Variants in SLC5A3 observed in about 807,000 individuals in gnomAD.
The protein encoded by SLC5A3 is solute carrier family 5 member 3.
A neutral mutation model predicts 43.2 loss-of-function variants in SLC5A3; 10 were observed. The observed-to-expected ratio is 0.23, with a 90% CI of 0.14 to 0.39. The LOEUF is 0.39. Among genes scored for constraint, SLC5A3 ranks in the 10% least tolerant of loss-of-function variants. The pLI is 1.00. For missense variants in SLC5A3, 608 were observed against 893.4 expected, an observed-to-expected ratio of 0.68 and a Z score of 4.07; for synonymous variants, 349 against 322.0, an observed-to-expected ratio of 1.08 and a Z score of -0.90.
At position 34,095,790 on chromosome 21, in the gene SLC5A3, A is replaced by G; in HGVS notation, c.592A>G (p.Thr198Ala). 1 of 1,614,036 alleles carries G rather than the reference A, an allele frequency of 6.2e-7. No homozygotes were observed. The highest frequency in any genetic ancestry group is 1.6e-4 in the Middle Eastern group (1 of 6,062). The change falls in exon 2 of 2, where the codon ACA becomes GCA. Residue 198 changes from threonine (T) to alanine (A), a missense_variant. Coordinates refer to ENST00000381151, the MANE Select transcript of SLC5A3 (RefSeq NM_006933.7). ...QALLMIIGAL[T>A]LMIISIMEIG... is the part of the protein sequence containing the mutation. The stretch of plus-strand genomic sequence containing the variant: ...TCTGCTCATGATCATTGGGGCACTT[A>G]CACTTATGATTATTAGCATAATGGA...
In SLC5A3 at chr21:34,096,939, A is replaced by AC; in HGVS notation, c.1743dup (p.Ile582HisfsTer11). 6.2e-7 allele frequency: 1 copy of AC among 1,614,106 alleles called. No homozygotes were observed. Among genetic ancestry groups the AC allele is most frequent in the Non-Finnish European group, 8.5e-7 (1 of 1,179,976 alleles). On this transcript the variant is annotated frameshift_variant, in exon 2 of 2. Transcript: ENST00000381151. LOFTEE classifies it high-confidence loss of function. This position sits in a 1 kb window ranked among gnomAD's most constrained non-coding sequence, Gnocchi z 5.9. ...TCTGAGATGCAGTGAGAATAATGAGACCATCAACCACATCATTCCCAACGG... is the reference window on the plus strand; with the variant it reads ...TCTGAGATGCAGTGAGAATAATGAGACCCATCAACCACATCATTCCCAACGG...
chr21:34,100,647 T>G lies in SLC5A3; in HGVS notation c.*3292T>G. On this transcript the variant is annotated 3_prime_UTR_variant, in exon 2 of 2. Transcript: ENST00000381151. ...GCTGGGACCCATCACTCTGTGAAAC[T>G]TCACATTTTAAGAACTGAGTTGAGG... 1 of 1,000,216 alleles carries G rather than the reference T, an allele frequency of 1.0e-6. No individual in the cohort carries two copies. 62.0% of individuals were successfully genotyped at this position (1,000,216 alleles called of 1,614,324 possible).
At chr21:34,079,337 CT>C (rs1422774445) in intron 1 of SLC5A3, among the ~76,000 whole-genome samples, 2 of 152,150 alleles carry the variant, frequency 1.3e-5, no homozygotes, top group Admixed American at 1.3e-4. Context: ...GTGCCAGCCC[CT>C]GATTTAGAGT....
intron 1 of SLC5A3, among the ~76,000 whole-genome samples, chr21:34,075,567 G>C (rs1341453873): frequency 6.6e-6 from 1 of 152,166 alleles, no homozygotes; most frequent in Non-Finnish European, 1.5e-5. Flanking sequence ...AAAAGCCCTA[G>C]AAAGTAGATA....
intron 1 of SLC5A3, among the ~76,000 whole-genome samples, chr21:34,083,736 G>A (rs1219901227): frequency 6.6e-6 from 1 of 152,182 alleles, no homozygotes; most frequent in Non-Finnish European, 1.5e-5. Flanking sequence ...AGCACTGTTG[G>A]TCTCATGGGA....
intron 1 of SLC5A3, among the ~76,000 whole-genome samples, chr21:34,081,010 T>C (rs1157114980): frequency 1.3e-5 from 2 of 152,130 alleles, no homozygotes; most frequent in Non-Finnish European, 2.9e-5. Flanking sequence ...ATGAAATGAG[T>C]GCAAACCTTT....
intron 1 of SLC5A3, among the ~76,000 whole-genome samples, chr21:34,074,673 GT>G (rs201796395): frequency 4.0e-5 from 6 of 151,712 alleles, no homozygotes; most frequent in Admixed American, 6.6e-5. Flanking sequence ...TTGGTGTTAT[GT>G]TTTTTTTTCT....
At chr21:34,080,279 T>G (rs1989429537) in intron 1 of SLC5A3, among the ~76,000 whole-genome samples, 1 of 152,228 alleles carries the variant, frequency 6.6e-6, no homozygotes, top group African/African-American at 2.4e-5. Context: ...TACTGCATAC[T>G]TCTCATTTTC....
Position 34,103,749 on chromosome 21 carries a change from GT to G in SLC5A3, c.*6395del, listed in dbSNP as rs1979353649. 1.3e-5 allele frequency: 13 copies of G among 999,692 alleles called. No homozygotes were observed. The highest frequency in any genetic ancestry group is 1.6e-5 in the Non-Finnish European group (13 of 829,568). The allele number at this position is 999,692 out of a possible 1,614,324, so 61.9% of individuals were successfully genotyped here. ...TGCGGTATCTAAACTGGTCCTAATG[GT>G]AAGGGACCCAAAGGAATAATCTCAA... On this transcript the variant is annotated 3_prime_UTR_variant, in exon 2 of 2. Transcript: ENST00000381151.
At chr21:34,093,812 T>A (rs1358876794) in intron 1 of SLC5A3, among the ~76,000 whole-genome samples, 1 of 152,204 alleles carries the variant, frequency 6.6e-6, no homozygotes, top group Non-Finnish European at 1.5e-5. Context: ...AAATGTCTGT[T>A]TTGCAGAGTG....
At chr21:34,081,961 A>G (rs566360756) in intron 1 of SLC5A3, among the ~76,000 whole-genome samples, 1 of 151,726 alleles carries the variant, frequency 6.6e-6, no homozygotes, top group East Asian at 1.9e-4. Flanking sequence ...GCTCCCATCT[A>G]TTATTGCCAT....
At position 34,100,358 on chromosome 21, in the gene SLC5A3, G is replaced by C; in HGVS notation, c.*3003G>C. 1 of 1,000,176 alleles carries C rather than the reference G, an allele frequency of 1.0e-6. No individual in the cohort carries two copies. The highest frequency in any genetic ancestry group is 1.2e-6 in the Non-Finnish European group (1 of 829,962). 62.0% of individuals were successfully genotyped at this position (1,000,176 alleles called of 1,614,324 possible). Reference sequence around the variant, plus strand: ...CCCTGGTCATCTTTCAGAATATTCTGTTCTGCCACCCCCAGAGAGTAAACA... The same window carrying C: ...CCCTGGTCATCTTTCAGAATATTCTCTTCTGCCACCCCCAGAGAGTAAACA... On this transcript the variant is annotated 3_prime_UTR_variant, in exon 2 of 2. Transcript: ENST00000381151.
chr21:34,088,018 A>G (rs1219526768), intron 1 of SLC5A3, among the ~76,000 whole-genome samples: 1 of 152,166 alleles, frequency 6.6e-6, no homozygotes, highest in Non-Finnish European at 1.5e-5. Context: ...AGTAGAACAC[A>G]TTTTTTGGGC....
At position 34,095,806 on chromosome 21, in the gene SLC5A3, G is replaced by A. The variant is rs1978938649; in HGVS notation, c.608G>A (p.Ser203Asn). 2 of 1,613,914 alleles carry A rather than the reference G, an allele frequency of 1.2e-6. No individual in the cohort carries two copies. Among genetic ancestry groups the A allele is most frequent in the Non-Finnish European group, 1.7e-6 (2 of 1,179,854 alleles). Residue 203 changes from serine to asparagine, a missense_variant, in exon 2 of 2, where the codon AGC becomes AAC. By Grantham distance (46) the Ser-to-Asn change is conservative. This residue lies in a region of SLC5A3 where 398 missense variants were observed against 668.6 expected (regional missense o/e 0.60). Coordinates refer to ENST00000381151, the MANE Select transcript of SLC5A3 (RefSeq NM_006933.7). ...IIGALTLMIISIMEIGGFEEV... is the reference protein window; with the variant it reads ...IIGALTLMIINIMEIGGFEEV... ...GGGGCACTTACACTTATGATTATTA[G>A]CATAATGGAGATTGGCGGGTTTGAG... is the stretch of plus-strand genomic sequence containing the variant.
intron 1 of SLC5A3, among the ~76,000 whole-genome samples, chr21:34,075,583 G>A (rs1256398124): frequency 5.3e-5 from 8 of 152,198 alleles, no homozygotes; most frequent in Non-Finnish European, 1.0e-4. Context: ...AGATAATAAA[G>A]GTGAACTGCC....
chr21:34,095,303 C>T lies in SLC5A3; in HGVS notation c.105C>T (p.Thr35=), dbSNP rs1417861721. The change falls in exon 2 of 2, where the codon ACC becomes ACT. Residue 35 remains threonine, a synonymous_variant. Transcript: ENST00000381151. ...CCATGTGGAAATCTAATAGAAGCAC[C>T]GTGAGTGGATACTTCCTGGCGGGGC... ...FFAMWKSNRS[T]VSGYFLAGRS... The T allele has an allele frequency of 9.9e-6, 16 of 1,613,918 alleles. No individual in the cohort carries two copies. In the African/African-American group the frequency reaches 1.3e-4, roughly 13 times the overall value.
chr21:34,101,016 TTGG>T lies in SLC5A3; in HGVS notation c.*3667_*3669del, dbSNP rs1235883675. The T allele has an allele frequency of 2.0e-6, 2 of 1,000,084 alleles. No homozygotes were observed. The highest frequency in any genetic ancestry group is 3.5e-5 in the African/African-American group (2 of 57,214). The allele number at this position is 1,000,084 out of a possible 1,614,324, so 62.0% of individuals were successfully genotyped here. A position where few individuals can be genotyped will look rare whatever the true frequency, so the allele number is the denominator to read the frequency against. ...GACTGGAAAGGGATCACATGGGTCG[TTGG>T]TGGTGACACCTCACTGTTTCCTAGG... On this transcript the variant is annotated 3_prime_UTR_variant, in exon 2 of 2. Transcript: ENST00000381151.
chr21:34,097,126 A>C lies in SLC5A3; in HGVS notation c.1928A>C (p.Glu643Ala), dbSNP rs746408033. 7.7e-5 allele frequency: 125 copies of C among 1,613,930 alleles called. No homozygotes were observed. Among genetic ancestry groups the C allele is most frequent in the Non-Finnish European group, 9.7e-5 (114 of 1,179,956 alleles). ...NGQAALMGEKERKKETDDGGR... is the reference protein window; with the variant it reads ...NGQAALMGEKARKKETDDGGR... ...CAAGCAGCTCTCATGGGTGAGAAAG[A>C]GAGAAAGAAAGAAACGGATGATGGA... is the stretch of plus-strand genomic sequence containing the variant. The change falls in exon 2 of 2, where the codon GAG (glutamate) becomes GCG (alanine). Residue 643 changes from glutamate (E) to alanine (A), a missense_variant. Glu to Ala is a moderately radical substitution (Grantham distance 107, BLOSUM62 -1). This residue lies in a region of SLC5A3 where 210 missense variants were observed against 224.8 expected (regional missense o/e 0.93). Coordinates refer to ENST00000381151, the MANE Select transcript of SLC5A3 (RefSeq NM_006933.7).
At position 34,095,316 on chromosome 21, in the gene SLC5A3, T is replaced by C; in HGVS notation, c.118T>C (p.Phe40Leu). Residue 40 changes from phenylalanine to leucine, a missense_variant, in exon 2 of 2, where the codon TTC becomes CTC. Transcript: ENST00000381151. ...KSNRSTVSGY[F>L]LAGRSMTWVA... ...TAATAGAAGCACCGTGAGTGGATACTTCCTGGCGGGGCGCTCTATGACCTG... is the reference window on the plus strand; with the variant it reads ...TAATAGAAGCACCGTGAGTGGATACCTCCTGGCGGGGCGCTCTATGACCTG... 1 of 1,614,154 alleles carries C rather than the reference T, an allele frequency of 6.2e-7. No individual in the cohort carries two copies. Among genetic ancestry groups the C allele is most frequent in the African/African-American group, 1.3e-5 (1 of 75,046 alleles).
Sources: gnomAD v4.1 joint callset for allele counts (sites outside exome capture counted in the v4.1 genomes callset) on GRCh38, gnomAD v4.1.1 for gene constraint, gnomAD v4.1.1 regional missense constraint, Gnocchi (gnomAD v3.1) non-coding constraint, MANE v1.5 for transcripts, NCBI Gene and HGNC (gene_info 2026-07-23, HGNC 2026-07-21) for gene names.